The following EBF2 variants were observed in gnomAD, a reference collection of about 807,000 sequenced individuals.
The protein encoded by EBF2 is transcription factor COE2.
A neutral mutation model predicts 72.8 loss-of-function variants in EBF2; 21 were observed. The observed-to-expected ratio is 0.29, with a 90% confidence interval of 0.20 to 0.42. EBF2 has a LOEUF of 0.42. Among genes scored for constraint, EBF2 ranks in the 10% least tolerant of loss-of-function variants. The probability of loss-of-function intolerance (pLI) is 1.00; values close to 1 mark genes in which losing one functional copy is unlikely to be tolerated. For missense variants in EBF2, 637 were observed against 731.2 expected, an observed-to-expected ratio of 0.87 and a Z score of 1.49; for synonymous variants, 299 against 274.2, an observed-to-expected ratio of 1.09 and a Z score of -0.89.
At chr8:25,992,005 C>T (rs1258926855) in intron 6 of EBF2, among the ~76,000 whole-genome samples, 1 of 152,062 alleles carries the variant, frequency 6.6e-6, no homozygotes, top group African/African-American at 2.4e-5. Context: ...ACTGTGGATA[C>T]AGGTATCAAT....
At chr8:25,970,581 A>T (rs1804174981) in intron 6 of EBF2, among the ~76,000 whole-genome samples, 1 of 152,010 alleles carries the variant, frequency 6.6e-6, no homozygotes, top group South Asian at 2.1e-4. Context: ...ACCTTCCTTG[A>T]AGTGGGTATG....
At chr8:25,896,953 A>G (rs1023066805) in intron 7 of EBF2, among the ~76,000 whole-genome samples, 55 of 152,218 alleles carry the variant, frequency 3.6e-4, no homozygotes, top group African/African-American at 1.3e-3. Flanking sequence ...GGGACTCCAG[A>G]GTCTCCAAAA....
chr8:25,907,264 A>G (rs1286107306), intron 7 of EBF2, among the ~76,000 whole-genome samples: 2 of 151,462 alleles, frequency 1.3e-5, no homozygotes, highest in South Asian at 2.1e-4. Flanking sequence ...ACCAAAAAAT[A>G]CAAAAATTAG....
intron 6 of EBF2, among the ~76,000 whole-genome samples, chr8:25,931,206 A>T (rs1452517696): frequency 6.6e-6 from 1 of 152,196 alleles, no homozygotes; most frequent in African/African-American, 2.4e-5. Flanking sequence ...CAGAACTTCC[A>T]CTTGAAAACC....
At chr8:25,906,948 T>A (rs1051637868) in intron 7 of EBF2, among the ~76,000 whole-genome samples, 2 of 151,892 alleles carry the variant, frequency 1.3e-5, no homozygotes, top group African/African-American at 4.8e-5. Context: ...TACTACTAGT[T>A]TTTTTTTCAA....
chr8:26,043,130 C>T (rs564646614), intron 1 of EBF2, among the ~76,000 whole-genome samples: 2 of 152,356 alleles, frequency 1.3e-5, no homozygotes, highest in African/African-American at 4.8e-5. Flanking sequence ...ACCCGGAAGG[C>T]GCCCTCGAGC....
At chr8:25,976,925 C>A (rs1263273347) in intron 6 of EBF2, among the ~76,000 whole-genome samples, 1 of 152,196 alleles carries the variant, frequency 6.6e-6, no homozygotes, top group Non-Finnish European at 1.5e-5. Context: ...ACGCTCTGTG[C>A]ACCTCCTTTT....
chr8:25,894,953 C>T (rs867749210), intron 7 of EBF2, among the ~76,000 whole-genome samples: 6 of 152,312 alleles, frequency 3.9e-5, no homozygotes, highest in Middle Eastern at 6.8e-3. Flanking sequence ...TATGCCTCAT[C>T]GTCTCCTGTC....
intron 6 of EBF2, among the ~76,000 whole-genome samples, chr8:25,941,028 G>T (rs560946526): frequency 6.6e-6 from 1 of 152,250 alleles, no homozygotes; most frequent in African/African-American, 2.4e-5. Context: ...ACAATTATAA[G>T]GATCCTTTTT....
At chr8:26,040,511 C>A in intron 4 of EBF2, 105 bp downstream of exon 4, 1 of 1,111,920 alleles carries the variant, frequency 9.0e-7, no homozygotes, top group South Asian at 1.5e-5. Context: ...GCTGTGGAGT[C>A]TGACCCAGGA....
intron 6 of EBF2, among the ~76,000 whole-genome samples, chr8:25,984,221 A>G (rs997577196): frequency 3.9e-5 from 6 of 152,216 alleles, no homozygotes; most frequent in African/African-American, 1.4e-4. Context: ...CATTTCACAG[A>G]GCACTGTGAA....
intron 6 of EBF2, among the ~76,000 whole-genome samples, chr8:25,930,541 C>T (rs970243011): frequency 2.6e-5 from 4 of 152,174 alleles, no homozygotes; most frequent in African/African-American, 9.7e-5. Flanking sequence ...TTAACTCCAG[C>T]CAGCTTCCTT....
intron 6 of EBF2, among the ~76,000 whole-genome samples, chr8:25,949,279 C>CGT (rs746535002): frequency 2.0e-5 from 3 of 152,276 alleles, no homozygotes; most frequent in East Asian, 1.9e-4. Flanking sequence ...GCCTTCAGCA[C>CGT]GTTCTGTAAC....
intron 6 of EBF2, among the ~76,000 whole-genome samples, chr8:25,920,454 A>G (rs575587603): frequency 1.4e-3 from 217 of 152,312 alleles, no homozygotes; most frequent in African/African-American, 4.8e-3. Flanking sequence ...AGTCCCACCT[A>G]TTGACAGGCA....
intron 7 of EBF2, among the ~76,000 whole-genome samples, chr8:25,899,531 C>T (rs1288050718): frequency 1.3e-5 from 2 of 152,290 alleles, no homozygotes; most frequent in East Asian, 3.9e-4. Flanking sequence ...TTTAAACTCT[C>T]GTTTCCCTCT....
intron 6 of EBF2, among the ~76,000 whole-genome samples, chr8:25,996,864 T>C (rs1047632850): frequency 4.6e-5 from 7 of 152,154 alleles, no homozygotes; most frequent in African/African-American, 1.7e-4. Flanking sequence ...AATTTACAGT[T>C]AAAGTGGAGA....
chr8:25,893,808 T>C (rs1350812885), intron 7 of EBF2, among the ~76,000 whole-genome samples: 4 of 152,192 alleles, frequency 2.6e-5, no homozygotes, highest in Non-Finnish European at 4.4e-5. Context: ...TGAGACTTAG[T>C]TCCAAAGTGA....
chr8:25,868,719 G>A (rs948209903), intron 10 of EBF2, among the ~76,000 whole-genome samples: 2 of 152,092 alleles, frequency 1.3e-5, no homozygotes, highest in African/African-American at 2.4e-5. Flanking sequence ...CAAGCAATCC[G>A]CCCGCCTTAG....
chr8:25,844,509 T>A lies in EBF2; in HGVS notation c.*100A>T. 2 of 1,373,640 alleles carry A rather than the reference T, an allele frequency of 1.5e-6. No homozygotes were observed. Among genetic ancestry groups the A allele is most frequent in the Non-Finnish European group, 2.1e-6 (2 of 965,840 alleles). 85.1% of individuals were successfully genotyped at this position (1,373,640 alleles called of 1,614,324 possible). A position where few individuals can be genotyped will look rare whatever the true frequency, so the allele number is the denominator to read the frequency against. ...GACCCAAGGGTGTCCATCATGTTCATGTGGGGGCACCACTACACCCCCAAA... is the reference window on the plus strand; with the variant it reads ...GACCCAAGGGTGTCCATCATGTTCAAGTGGGGGCACCACTACACCCCCAAA... On this transcript the variant is annotated 3_prime_UTR_variant, in exon 16 of 16. Transcript: ENST00000520164.
Sources: allele counts gnomAD v4.1 joint callset (sites outside exome capture counted in the v4.1 genomes callset), GRCh38; gene constraint gnomAD v4.1.1; transcripts MANE v1.5; gene names NCBI Gene and HGNC (gene_info 2026-07-23, HGNC 2026-07-21).